Variants in RMND1 observed in about 807,000 individuals in gnomAD.
RMND1 encodes the protein required for meiotic nuclear division protein 1 homolog.
Under a neutral mutation model 54.0 loss-of-function variants are expected in RMND1, and 41 were observed. The observed-to-expected ratio is 0.76, with a 90% CI of 0.59 to 0.98. The LOEUF (loss-of-function observed/expected upper bound fraction) is 0.98. RMND1 is among the 50% of genes least tolerant of loss of function. RMND1 has a pLI of 0.00. For synonymous variants in RMND1, 183 were observed against 181.7 expected, an observed-to-expected ratio of 1.01 and a Z score of -0.06; for missense variants, 457 against 532.0, an observed-to-expected ratio of 0.86 and a Z score of 1.39.
chr6:151,450,480 G>A (rs1225225185), intron 1 of RMND1, among the ~76,000 whole-genome samples: 1 of 88,332 alleles, frequency 1.1e-5, no homozygotes, highest in African/African-American at 5.5e-5. Context: ...CGGGAGGAAG[G>A]TGGGGTGTCA....
At chr6:151,423,668 A>AAAT in intron 6 of RMND1, 37 bp from the exon 7 acceptor site, 1 of 1,370,170 alleles carries the variant, frequency 7.3e-7, no homozygotes, top group Non-Finnish European at 1.0e-6. Flanking sequence ...TCTAAATCTT[A>AAAT]AAAAGCACTT....
chr6:151,423,581 T>C lies in RMND1; in HGVS notation c.881A>G (p.Asp294Gly), dbSNP rs769547622. ...CTTCTCTAGAATGGCATCATCTAAA[T>C]CCAGCTCTGAATTTAACTTGATTTC... ...RGEIKLNSELDLDDAILEKFA... is the reference protein window; with the variant it reads ...RGEIKLNSELGLDDAILEKFA... Residue 294 changes from aspartate to glycine, a missense_variant, in exon 7 of 12, where the codon GAT becomes GGT. Asp to Gly is a moderately conservative substitution (Grantham distance 94). Transcript: ENST00000444024. The C allele has an allele frequency of 1.4e-5, 23 of 1,613,956 alleles. No individual in the cohort carries two copies. The highest frequency in any genetic ancestry group is 1.8e-5 in the Non-Finnish European group (21 of 1,179,974).
chr6:151,433,828 T>G (rs1047183182), intron 3 of RMND1, among the ~76,000 whole-genome samples: 1 of 151,102 alleles, frequency 6.6e-6, no homozygotes, highest in African/African-American at 2.4e-5. Context: ...AAAAAAAGTT[T>G]TTTTTTTGTT....
chr6:151,423,909 G>A (rs2114939196), intron 6 of RMND1, among the ~76,000 whole-genome samples: 1 of 150,538 alleles, frequency 6.6e-6, no homozygotes, highest in South Asian at 2.1e-4. Context: ...GTGCAGTGGT[G>A]CGATCTCAGC....
Position 151,433,248 on chromosome 6 carries a change from C to T in RMND1, c.614-18G>A, listed in dbSNP as rs764159292. 1.2e-4 allele frequency: 191 copies of T among 1,580,520 alleles called. No homozygotes were observed. The highest frequency in any genetic ancestry group is 6.7e-4 in the Middle Eastern group (4 of 5,998). On this transcript the variant is annotated intron_variant, in intron 3 of 11. Transcript: ENST00000444024. Reference sequence around the variant, plus strand: ...TGCTGCATCTGTGATTTAAAATAAACGAACAAAAAAGCTATGTCAAGGTAA... The same window carrying T: ...TGCTGCATCTGTGATTTAAAATAAATGAACAAAAAAGCTATGTCAAGGTAA...
chr6:151,425,804 T>C lies in RMND1; in HGVS notation c.830+1678A>G, dbSNP rs1044457880. ...TTTTCCCCAGGATTAAATGAAATAA[T>C]ACATGGAAGGCACTTACTTAGAAAA... On this transcript the variant is annotated intron_variant, in intron 6 of 11. Coordinates refer to ENST00000444024, the MANE Select transcript of RMND1 (RefSeq NM_017909.4). Among the ~76,000 whole-genome samples, 65 of 152,152 alleles carry C rather than the reference T, an allele frequency of 4.3e-4. 1 individual carries two copies. The highest frequency in any genetic ancestry group is 1.5e-3 in the African/African-American group (62 of 41,426).
rs1335241025 is a variant in RMND1 at position 151,445,853 on chromosome 6, GT to G, written c.-14-29del. The G allele has an allele frequency of 3.3e-6, 5 of 1,498,770 alleles. No individual in the cohort carries two copies. In the East Asian group the frequency reaches 1.2e-4, roughly 36 times the overall value. 92.8% of individuals were successfully genotyped at this position (1,498,770 alleles called of 1,614,324 possible). ...AAAAGAAAAGGAATTCAAAGTTCAA[GT>G]TTTTAAATTAATGTTTAAAACATAT... On this transcript the variant is annotated intron_variant, in intron 1 of 11. Transcript: ENST00000444024.
In RMND1 at chr6:151,423,509, A is replaced by G; in HGVS notation, c.937+16T>C. 1 of 1,494,640 alleles carries G rather than the reference A, an allele frequency of 6.7e-7. No homozygotes were observed. The highest frequency in any genetic ancestry group is 9.3e-7 in the Non-Finnish European group (1 of 1,071,064). 92.6% of individuals were successfully genotyped at this position (1,494,640 alleles called of 1,614,324 possible). On this transcript the variant is annotated intron_variant, in intron 7 of 11. Coordinates refer to ENST00000444024, the MANE Select transcript of RMND1 (RefSeq NM_017909.4). ...GACAACTGTAGTACCCTATCCCATA[A>G]GCAGTAGTAACTTACCAGAAAGGCA...
At chr6:151,429,081 T>C (rs1406117876) in intron 5 of RMND1, among the ~76,000 whole-genome samples, 2 of 152,184 alleles carry the variant, frequency 1.3e-5, no homozygotes, top group Non-Finnish European at 2.9e-5. Flanking sequence ...AGCATGTTTT[T>C]TAACCAGTTC....
chr6:151,411,427 C>T (rs1028714980), intron 10 of RMND1: 1 of 152,186 alleles, frequency 6.6e-6, no homozygotes, highest in Non-Finnish European at 1.5e-5. Flanking sequence ...TAGATGTGAA[C>T]CCCTTCATGG....
chr6:151,452,066 C>T lies in RMND1; in HGVS notation c.-65G>A. The stretch of plus-strand genomic sequence containing the variant: ...GCGCCAGGGACGCACGCTTCCTCGG[C>T]AGGACTGCAGGGAAAGAGCCGCACC... On this transcript the variant is annotated 5_prime_UTR_variant, in exon 1 of 12. Coordinates refer to ENST00000444024, the MANE Select transcript of RMND1 (RefSeq NM_017909.4). The T allele has an allele frequency of 6.1e-6, 1 of 164,028 alleles. No homozygotes were observed. Among genetic ancestry groups the T allele is most frequent in the Non-Finnish European group, 1.3e-5 (1 of 74,706 alleles). 10.2% of individuals were successfully genotyped at this position (164,028 alleles called of 1,614,324 possible).
chr6:151,445,509 A>G lies in RMND1; in HGVS notation c.303T>C (p.Phe101=), dbSNP rs1387358151. Residue 101 remains phenylalanine (F), a synonymous_variant, in exon 2 of 12, where the codon TTT becomes TTC. Coordinates refer to ENST00000444024, the MANE Select transcript of RMND1 (RefSeq NM_017909.4). ...TGTGGGTCACTCTCCTGTGAGTACC[A>G]AAGGATTTCATGGTTGGAAGGTGTG... ...EKAHLPTMKS[F]GTHRRVTHKP... 3.1e-6 allele frequency: 5 copies of G among 1,614,132 alleles called. No individual in the cohort carries two copies. The African/African-American group carries it at 6.7e-5, about 22-fold the overall frequency.
At chr6:151,451,219 A>C (rs1428586401) in intron 1 of RMND1, among the ~76,000 whole-genome samples, 5 of 146,942 alleles carry the variant, frequency 3.4e-5, no homozygotes, top group Non-Finnish European at 7.5e-5. Context: ...AAAAAAAAAA[A>C]CACAACCAGC....
At chr6:151,446,953 AAT>A (rs1254237322) in intron 1 of RMND1, among the ~76,000 whole-genome samples, 1 of 152,208 alleles carries the variant, frequency 6.6e-6, no homozygotes, top group African/African-American at 2.4e-5. Context: ...TTTTAAAAAT[AAT>A]ATGTTAGGTG....
chr6:151,445,691 A>T lies in RMND1; in HGVS notation c.121T>A (p.Cys41Ser). The T allele has an allele frequency of 1.9e-6, 3 of 1,614,150 alleles. No homozygotes were observed. Among genetic ancestry groups the T allele is most frequent in the Non-Finnish European group, 1.7e-6 (2 of 1,180,040 alleles). Residue 41 changes from cysteine to serine, a missense_variant, in exon 2 of 12, where the codon TGC (cysteine) becomes AGC (serine). Transcript: ENST00000444024. ...KPLKEFENTTCSTLTIRQSLD... is the reference protein window; with the variant it reads ...KPLKEFENTTSSTLTIRQSLD... ...CTTTGACGTATTGTCAGTGTGCTGC[A>T]TGTTGTATTTTCAAATTCCTTAAGT...
At chr6:151,436,625 C>G in intron 2 of RMND1, 71 bp from the exon 3 acceptor site, 2 of 1,456,314 alleles carry the variant, frequency 1.4e-6, no homozygotes, top group Non-Finnish European at 1.9e-6. Flanking sequence ...GCTGAGCACC[C>G]TACTGGACTC....
chr6:151,446,900 C>CA lies in RMND1; in HGVS notation c.-14-1076dup, dbSNP rs35099648. Among the ~76,000 whole-genome samples the CA allele has an allele frequency of 9.1e-3, 1,236 of 135,260 alleles. 8 individuals carry two copies. Among genetic ancestry groups the CA allele is most frequent in the South Asian group, 0.015 (67 of 4,330 alleles). 88.7% of individuals were successfully genotyped at this position (135,260 alleles called of 152,430 possible). A position where few individuals can be genotyped will look rare whatever the true frequency, so the allele number is the denominator to read the frequency against. On this transcript the variant is annotated intron_variant, in intron 1 of 11. Transcript: ENST00000444024. ...TGGGCGACAGAATGAGACTCTGTCT[C>CA]AAAAAAAAAAAAAAGTTAGACCGTA...
intron 3 of RMND1, among the ~76,000 whole-genome samples, chr6:151,436,042 T>C (rs1780595306): frequency 6.6e-6 from 1 of 150,968 alleles, no homozygotes; most frequent in Non-Finnish European, 1.5e-5. Context: ...GAGGCGGAAG[T>C]TGTAGTGAGC....
Position 151,427,564 on chromosome 6 carries a change from C to G in RMND1, c.748G>C (p.Val250Leu). The stretch of plus-strand genomic sequence containing the variant: ...GGCTGAATTTCATGTTTTTCTAGAA[C>G]TTTCATCACATGCTTCATCTAGAAG... ...KDKTMKHVMKVLEKHEIQPYE... is the reference protein window; with the variant it reads ...KDKTMKHVMKLLEKHEIQPYE... The change falls in exon 6 of 12, where the codon GTT becomes CTT. Residue 250 changes from valine (V) to leucine (L), a missense_variant. Transcript: ENST00000444024. The G allele has an allele frequency of 6.2e-7, 1 of 1,608,276 alleles. No homozygotes were observed. Among genetic ancestry groups the G allele is most frequent in the Middle Eastern group, 1.7e-4 (1 of 6,054 alleles).
Sources: allele counts gnomAD v4.1 joint callset (sites outside exome capture counted in the v4.1 genomes callset), GRCh38; gene constraint gnomAD v4.1.1; transcripts MANE v1.5; gene names NCBI Gene and HGNC (gene_info 2026-07-23, HGNC 2026-07-21).